The following GRID1 variants were observed in gnomAD, a reference collection of about 807,000 sequenced individuals.
The protein encoded by GRID1 is glutamate ionotropic receptor delta type subunit 1, also known as glutamate receptor ionotropic, delta-1.
In GRID1, 28 loss-of-function variants were observed where a neutral mutation model predicts 98.0. The ratio of observed to expected loss-of-function variants is 0.29; its 90% CI spans 0.21 to 0.39. GRID1 has a LOEUF of 0.39. Among genes scored for constraint, GRID1 ranks in the 10% least tolerant of loss-of-function variants. GRID1 has a pLI of 1.00. For missense variants in GRID1, 1,111 were observed against 1,340.5 expected, an observed-to-expected ratio of 0.83 and a Z score of 2.67; for synonymous variants, 553 against 538.5, an observed-to-expected ratio of 1.03 and a Z score of -0.37.
At chr10:85,686,211 G>C (rs1841267320) in intron 12 of GRID1, among the ~76,000 whole-genome samples, 1 of 152,160 alleles carries the variant, frequency 6.6e-6, no homozygotes, top group South Asian at 2.1e-4. Flanking sequence ...AGGAGTCTCA[G>C]TTACATACAC....
intron 4 of GRID1, among the ~76,000 whole-genome samples, chr10:85,933,922 T>C (rs1434388974): frequency 1.3e-5 from 2 of 152,190 alleles, no homozygotes; most frequent in Admixed American, 1.3e-4. Context: ...CAACACATCT[T>C]TCTAGAAGGA....
At chr10:85,726,910 A>C (rs1841766729) in intron 10 of GRID1, among the ~76,000 whole-genome samples, 1 of 152,274 alleles carries the variant, frequency 6.6e-6, no homozygotes, top group Non-Finnish European at 1.5e-5. Flanking sequence ...TAAATTTTAT[A>C]GTATGTGAAT....
chr10:86,206,556 G>C lies in GRID1; in HGVS notation c.328C>G (p.His110Asp). 6.2e-7 allele frequency: 1 copy of C among 1,614,188 alleles called. No homozygotes were observed. Among genetic ancestry groups the C allele is most frequent in the Non-Finnish European group, 8.5e-7 (1 of 1,180,008 alleles). Residue 110 changes from histidine (H) to aspartate (D), a missense_variant, in exon 3 of 16, where the codon CAC becomes GAC. His to Asp is a moderately conservative substitution (Grantham distance 81). Around this residue, in one of 3 missense-constraint regions of GRID1, gnomAD observed 346 missense variants for 452.3 expected, o/e 0.76. Coordinates refer to ENST00000327946, the MANE Select transcript of GRID1 (RefSeq NM_017551.3). This position sits in a 1 kb window ranked among gnomAD's most constrained non-coding sequence, Gnocchi z 4.1. The stretch of plus-strand genomic sequence containing the variant: ...CGCTGGACAAAGAGGTGTGGGATGT[G>C]CATGGCATCCGTGAGGGACTGCAGG... Reference protein sequence around the residue: ...NALQSLTDAMHIPHLFVQRNP... With the variant: ...NALQSLTDAMDIPHLFVQRNP...
intron 1 of GRID1, 52 bp from the exon 2 acceptor site, chr10:86,364,148 C>T (rs1369838617): frequency 2.0e-6 from 3 of 1,536,640 alleles, no homozygotes; most frequent in Non-Finnish European, 2.7e-6. Context: ...CCTCTCCCCG[C>T]TTCCCTTGGC....
At chr10:85,768,917 C>A (rs895205278) in intron 8 of GRID1, among the ~76,000 whole-genome samples, 1 of 152,198 alleles carries the variant, frequency 6.6e-6, no homozygotes, top group African/African-American at 2.4e-5. Context: ...TATTCTCACA[C>A]ACTTGTGAAT....
intron 5 of GRID1, among the ~76,000 whole-genome samples, chr10:85,878,137 C>T (rs572612059): frequency 4.6e-5 from 7 of 152,260 alleles, no homozygotes; most frequent in South Asian, 4.2e-4. Flanking sequence ...ACCAAATCTA[C>T]GTCTGATTGG....
At chr10:85,965,364 T>C (rs535664754) in intron 4 of GRID1, among the ~76,000 whole-genome samples, 47 of 152,282 alleles carry the variant, frequency 3.1e-4, no homozygotes, top group African/African-American at 1.0e-3. Context: ...CTGTTCACAA[T>C]AGCAAAGATT....
intron 4 of GRID1, among the ~76,000 whole-genome samples, chr10:86,018,744 C>A (rs762605669): frequency 2.0e-5 from 3 of 152,204 alleles, no homozygotes; most frequent in African/African-American, 4.8e-5. Context: ...GGATCAGCCC[C>A]GCCTTCCAGC....
chr10:85,985,881 T>C (rs1477700381), intron 4 of GRID1, among the ~76,000 whole-genome samples: 9 of 152,330 alleles, frequency 5.9e-5, no homozygotes, highest in East Asian at 1.9e-4. Flanking sequence ...AAGTTAGAGA[T>C]GCAAGGCCTG....
chr10:85,608,912 C>A (rs1842702711), intron 15 of GRID1, among the ~76,000 whole-genome samples: 1 of 152,218 alleles, frequency 6.6e-6, no homozygotes. Context: ...GAGCATAGTT[C>A]TCAGGCCAGG....
At chr10:85,699,537 T>C (rs763191538) in intron 12 of GRID1, among the ~76,000 whole-genome samples, 1 of 152,222 alleles carries the variant, frequency 6.6e-6, no homozygotes, top group Non-Finnish European at 1.5e-5. Context: ...TGGATCATGC[T>C]TTCGATCTTG....
rs200747338 is a variant in GRID1, at chr10:85,898,891, G to A, written c.780+17295C>T. Among the ~76,000 whole-genome samples the A allele has an allele frequency of 2.4e-4, 36 of 152,186 alleles. No homozygotes were observed. In the East Asian group the frequency reaches 5.8e-3, roughly 24 times the overall value. ...AAATATATAAACCAATAGTATAGTC[G>A]CCTATTATTATTCTCAAGTATTATG... On this transcript the variant is annotated intron_variant, in intron 5 of 15. Transcript: ENST00000327946.
intron 2 of GRID1, among the ~76,000 whole-genome samples, chr10:86,335,875 T>G (rs1480245122): frequency 6.6e-6 from 1 of 152,228 alleles, no homozygotes; most frequent in East Asian, 1.9e-4. Context: ...CTCTCCAACC[T>G]GCCCCACAAC....
intron 2 of GRID1, among the ~76,000 whole-genome samples, chr10:86,225,890 G>A (rs1476671446): frequency 6.6e-6 from 1 of 152,102 alleles, no homozygotes; most frequent in Admixed American, 6.5e-5. Context: ...ATGACATCAC[G>A]GCCGTGTGTG....
chr10:85,822,315 T>C (rs1842780252), intron 8 of GRID1, among the ~76,000 whole-genome samples: 1 of 152,106 alleles, frequency 6.6e-6, no homozygotes, highest in Non-Finnish European at 1.5e-5. Context: ...ATCCAGAATC[T>C]ACAAAGAACT....
intron 2 of GRID1, among the ~76,000 whole-genome samples, chr10:86,236,105 C>T (rs1846532940): frequency 6.6e-6 from 1 of 152,278 alleles, no homozygotes; most frequent in East Asian, 1.9e-4. Context: ...GAAGTGGTAT[C>T]TGATTATGTT....
At chr10:86,295,750 T>C (rs1308331118) in intron 2 of GRID1, among the ~76,000 whole-genome samples, 2 of 152,108 alleles carry the variant, frequency 1.3e-5, no homozygotes, top group Non-Finnish European at 2.9e-5. Flanking sequence ...TGGTCATCCA[T>C]ATCCCCAGCA....
chr10:86,227,636 T>C (rs1247942903), intron 2 of GRID1, among the ~76,000 whole-genome samples: 1 of 151,886 alleles, frequency 6.6e-6, no homozygotes, highest in East Asian at 1.9e-4. Context: ...TCTGCTGTCC[T>C]TCCTCACACG....
intron 2 of GRID1, among the ~76,000 whole-genome samples, chr10:86,243,970 C>T (rs376849988): frequency 1.8e-4 from 28 of 152,182 alleles, no homozygotes; most frequent in African/African-American, 6.5e-4. Context: ...CATACATGCA[C>T]ACACGTGTGC....
Sources: allele counts gnomAD v4.1 joint callset (sites outside exome capture counted in the v4.1 genomes callset), GRCh38; gene constraint gnomAD v4.1.1; regional missense constraint gnomAD v4.1.1; non-coding constraint Gnocchi (gnomAD v3.1); transcripts MANE v1.5; gene names NCBI Gene and HGNC (gene_info 2026-07-23, HGNC 2026-07-21).